AGGF1: variants seen among roughly 807,000 people sequenced by gnomAD.
The protein encoded by AGGF1 is angiogenic factor with G patch and FHA domains 1.
A neutral mutation model predicts 86.5 loss-of-function variants in AGGF1; 56 were observed. The observed-to-expected ratio is 0.65, with a 90% CI of 0.52 to 0.81. The LOEUF is 0.81. AGGF1 is among the 30% of genes least tolerant of loss of function. The probability of loss-of-function intolerance (pLI) is 0.00; values close to 1 mark genes in which losing one functional copy is unlikely to be tolerated. For missense variants in AGGF1, 816 were observed against 850.9 expected (o/e 0.96, Z 0.51); for synonymous variants, 313 against 297.1 (o/e 1.05, Z -0.55).
Position 77,039,689 on chromosome 5 carries a change from T to TC in AGGF1, c.842dup (p.Asp282ArgfsTer7). On this transcript the variant is annotated frameshift_variant, in exon 5 of 14. Transcript: ENST00000312916. LOFTEE classifies it high-confidence loss of function. ...AAAAATTGAAGAAGAAAAGAAAAGATCCAGATTCTTCTGCAACAAATGAGG... is the reference window on the plus strand; with the variant it reads ...AAAAATTGAAGAAGAAAAGAAAAGATCCCAGATTCTTCTGCAACAAATGAGG... 1 of 1,612,228 alleles carries TC rather than the reference T, an allele frequency of 6.2e-7. No individual in the cohort carries two copies. The highest frequency in any genetic ancestry group is 8.5e-7 in the Non-Finnish European group (1 of 1,179,160).
chr5:77,042,626 G>A (rs1477776788), intron 5 of AGGF1, among the ~76,000 whole-genome samples: 1 of 50,920 alleles, frequency 2.0e-5, no homozygotes, highest in Non-Finnish European at 4.7e-5. Flanking sequence ...GGCTGGCCGG[G>A]CGGGGGGCTG....
chr5:77,056,053 T>C (rs1333656224), intron 11 of AGGF1, among the ~76,000 whole-genome samples: 1 of 152,092 alleles, frequency 6.6e-6, no homozygotes, highest in Non-Finnish European at 1.5e-5. Context: ...AGAACTAATA[T>C]GACCTGATGT....
At chr5:77,036,371 T>C (rs1746967103) in intron 3 of AGGF1, among the ~76,000 whole-genome samples, 185 bp from the exon 4 acceptor site, 1 of 152,224 alleles carries the variant, frequency 6.6e-6, no homozygotes, top group African/African-American at 2.4e-5. Context: ...TGGGTCAAAG[T>C]TGAAGTTACT....
chr5:77,031,093 G>A (rs1000023431), intron 1 of AGGF1, 117 bp downstream of exon 1: 41 of 1,085,952 alleles, frequency 3.8e-5, no homozygotes, highest in Non-Finnish European at 2.5e-5. Context: ...AGTACTTAAA[G>A]TAAATAAGTA....
intron 11 of AGGF1, among the ~76,000 whole-genome samples, chr5:77,058,071 AAG>A (rs1488532330): frequency 6.6e-6 from 1 of 152,226 alleles, no homozygotes; most frequent in African/African-American, 2.4e-5. Flanking sequence ...TTGGATTACA[AAG>A]AGAGACAAGG....
intron 5 of AGGF1, among the ~76,000 whole-genome samples, chr5:77,044,279 G>T (rs1747203611): frequency 6.6e-6 from 1 of 152,076 alleles, no homozygotes; most frequent in Non-Finnish European, 1.5e-5. Context: ...CTGCACTCCA[G>T]CCTGGGCACC....
intron 8 of AGGF1, among the ~76,000 whole-genome samples, chr5:77,050,302 G>C (rs796102456): frequency 1.6e-5 from 1 of 61,954 alleles, no homozygotes; most frequent in Non-Finnish European, 3.2e-5. Flanking sequence ...CTTTTTCTTT[G>C]TTTCTTTTTT....
Position 77,054,818 on chromosome 5 carries a change from C to G in AGGF1, c.1633+688C>G, listed in dbSNP as rs1425920897. ...GTAAAAAAAGTCATCCACAGTTGAACTCTGTCATATAATATTAACGTAGGA... is the reference window on the plus strand; with the variant it reads ...GTAAAAAAAGTCATCCACAGTTGAAGTCTGTCATATAATATTAACGTAGGA... On this transcript the variant is annotated intron_variant, in intron 10 of 13. Coordinates refer to ENST00000312916, the MANE Select transcript of AGGF1 (RefSeq NM_018046.5). Among the ~76,000 whole-genome samples the G allele has an allele frequency of 2.0e-5, 3 of 152,234 alleles. No individual in the cohort carries two copies. The East Asian group carries it at 5.8e-4, about 29-fold the overall frequency.
intron 10 of AGGF1, among the ~76,000 whole-genome samples, chr5:77,054,976 A>T (rs1747435221): frequency 6.6e-6 from 1 of 152,170 alleles, no homozygotes; most frequent in Non-Finnish European, 1.5e-5. Context: ...TTTTGCTTTC[A>T]GCCCAGCCAT....
rs934994197 is a variant in AGGF1, at chr5:77,064,102, A to AT, written c.*856dup. 4 of 152,614 alleles carry AT rather than the reference A, an allele frequency of 2.6e-5. No individual in the cohort carries two copies. The highest frequency in any genetic ancestry group is 6.5e-5 in the Admixed American group (1 of 15,272). The allele number at this position is 152,614 out of a possible 1,614,324, so 9.5% of individuals were successfully genotyped here. On this transcript the variant is annotated 3_prime_UTR_variant, in exon 14 of 14. Coordinates refer to ENST00000312916, the MANE Select transcript of AGGF1 (RefSeq NM_018046.5). ...AAACATTATAACATGAAAAAGAGTGATTTTTTGAACCGGTGATTTAAATGT... is the reference window on the plus strand; with the variant it reads ...AAACATTATAACATGAAAAAGAGTGATTTTTTTGAACCGGTGATTTAAATGT...
chr5:77,043,425 A>C (rs1476075331), intron 5 of AGGF1, among the ~76,000 whole-genome samples: 1 of 60,048 alleles, frequency 1.7e-5, no homozygotes, highest in Admixed American at 1.7e-4. Flanking sequence ...ACTTCCCAGT[A>C]GGGGCGGCCG....
At chr5:77,041,941 T>C (rs1219236737) in intron 5 of AGGF1, among the ~76,000 whole-genome samples, 1 of 150,558 alleles carries the variant, frequency 6.6e-6, no homozygotes, top group Non-Finnish European at 1.5e-5. Context: ...CTGGTTTTCC[T>C]AGGCAGAGGA....
Position 77,064,899 on chromosome 5 carries a change from TATC to T in AGGF1, c.*1650_*1652del, listed in dbSNP as rs1244910079. 3 of 152,224 alleles carry T rather than the reference TATC, an allele frequency of 2.0e-5. No homozygotes were observed. The highest frequency in any genetic ancestry group is 7.2e-5 in the African/African-American group (3 of 41,460). The allele number at this position is 152,224 out of a possible 1,614,324, so 9.4% of individuals were successfully genotyped here. ...TTATTATATTGGGGAAAACATTTTT[TATC>T]ATTTTCTATTAAGAAAATGGAAAAC... On this transcript the variant is annotated 3_prime_UTR_variant, in exon 14 of 14. Coordinates refer to ENST00000312916, the MANE Select transcript of AGGF1 (RefSeq NM_018046.5).
chr5:77,034,478 G>A lies in AGGF1; in HGVS notation c.271G>A (p.Val91Ile). 1.9e-6 allele frequency: 3 copies of A among 1,613,570 alleles called. No individual in the cohort carries two copies. Among genetic ancestry groups the A allele is most frequent in the Non-Finnish European group, 2.5e-6 (3 of 1,179,610 alleles). The change falls in exon 2 of 14, where the codon GTA (valine) becomes ATA (isoleucine). Residue 91 changes from valine to isoleucine, a missense_variant. Physicochemically the swap from Val to Ile is conservative, Grantham distance 29 (BLOSUM62 3). Transcript: ENST00000312916. ...GRNEDNKKSD[V>I]EVQTENHAPW... ...AAATGAAGATAATAAAAAGTCTGAT[G>A]TAGAAGTACAAACAGAGAACCATGC...
chr5:77,063,142 A>C lies in AGGF1; in HGVS notation c.2035A>C (p.Lys679Gln). 1 of 1,613,732 alleles carries C rather than the reference A, an allele frequency of 6.2e-7. No homozygotes were observed. Among genetic ancestry groups the C allele is most frequent in the East Asian group, 2.2e-5 (1 of 44,876 alleles). Residue 679 changes from lysine to glutamine, a missense_variant, in exon 14 of 14, where the codon AAA (lysine) becomes CAA (glutamine). By Grantham distance (53) the Lys-to-Gln change is moderately conservative. Coordinates refer to ENST00000312916, the MANE Select transcript of AGGF1 (RefSeq NM_018046.5). Reference protein sequence around the residue: ...EDVHLLQNKNKKNWDKARERF... With the variant: ...EDVHLLQNKNQKNWDKARERF... ...TGTTCACCTTCTCCAAAACAAGAAC[A>C]AAAAAAACTGGGACAAAGCACGAGA...
intron 2 of AGGF1, among the ~76,000 whole-genome samples, chr5:77,035,175 C>T (rs1398922412): frequency 6.6e-6 from 1 of 152,162 alleles, no homozygotes; most frequent in Non-Finnish European, 1.5e-5. Flanking sequence ...ATTTCATTAT[C>T]AGTTGATAAG....
chr5:77,052,721 T>G lies in AGGF1; in HGVS notation c.1381T>G (p.Tyr461Asp). 1 of 1,613,206 alleles carries G rather than the reference T, an allele frequency of 6.2e-7. No homozygotes were observed. Among genetic ancestry groups the G allele is most frequent in the Non-Finnish European group, 8.5e-7 (1 of 1,179,510 alleles). The change falls in exon 9 of 14, where the codon TAT becomes GAT. Residue 461 changes from tyrosine (Y) to aspartate (D), a missense_variant. Tyr to Asp is a radical substitution (Grantham distance 160, BLOSUM62 -3). Coordinates refer to ENST00000312916, the MANE Select transcript of AGGF1 (RefSeq NM_018046.5). ...VGVSKFHAEIYFDHDLQSYVL... is the reference protein window; with the variant it reads ...VGVSKFHAEIDFDHDLQSYVL... ...ACTTTCTAAGTTTCATGCAGAAATT[T>G]ATTTTGACCATGACTTACAAAGTTA...
At chr5:77,057,840 C>T (rs1320447550) in intron 11 of AGGF1, among the ~76,000 whole-genome samples, 1 of 152,198 alleles carries the variant, frequency 6.6e-6, no homozygotes, top group Non-Finnish European at 1.5e-5. Flanking sequence ...GGGACTGGAA[C>T]AGAGCCTGGA....
chr5:77,053,925 ATTGTT>A, intron 9 of AGGF1, 35 bp from the exon 10 acceptor site: 1 of 1,597,998 alleles, frequency 6.3e-7, no homozygotes, highest in Non-Finnish European at 8.6e-7. Context: ...ACCATAAGTG[ATTGTT>A]TTGATTTCTG....
Sources: allele counts gnomAD v4.1 joint callset (sites outside exome capture counted in the v4.1 genomes callset), GRCh38; gene constraint gnomAD v4.1.1; transcripts MANE v1.5; gene names NCBI Gene and HGNC (gene_info 2026-07-23, HGNC 2026-07-21).